Variants in SEC31B observed in about 807,000 individuals in gnomAD.
The protein encoded by SEC31B is SEC31 homolog B, COPII component.
Under a neutral mutation model 135.0 loss-of-function variants are expected in SEC31B, and 113 were observed. That is an observed-to-expected ratio of 0.84 (90% confidence interval 0.72 to 0.98). The LOEUF (loss-of-function observed/expected upper bound fraction) is 0.98. Among genes scored for constraint, SEC31B ranks in the 50% least tolerant of loss-of-function variants. SEC31B has a pLI of 0.00. For missense variants in SEC31B, 1,296 were observed against 1,421.1 expected (o/e 0.91, Z 1.42); for synonymous variants, 508 against 549.4 (o/e 0.92, Z 1.05).
At position 100,507,558 on chromosome 10, in the gene SEC31B, A is replaced by G. The variant is rs1851656496; in HGVS notation, c.649T>C (p.Ser217Pro). 4.3e-6 allele frequency: 7 copies of G among 1,614,220 alleles called. No individual in the cohort carries two copies. In the Middle Eastern group the frequency reaches 9.9e-4, roughly 228 times the overall value. Residue 217 changes from serine to proline, a missense_variant, in exon 7 of 26, where the codon TCA (serine) becomes CCA (proline). Coordinates refer to ENST00000370345, the MANE Select transcript of SEC31B (RefSeq NM_015490.4). ...ATGTCAGGATGCCAGGCCAGGCCTG[A>G]GCAGTGCATCTGTGAACAAAGCAGA... ...VSDHSNRMHC[S>P]GLAWHPDIAT...
intron 19 of SEC31B, among the ~76,000 whole-genome samples, chr10:100,493,478 A>C (rs1201477159): frequency 1.3e-5 from 2 of 152,236 alleles, no homozygotes; most frequent in Non-Finnish European, 2.9e-5. Context: ...ATGAACCTCA[A>C]AGAAGTTATG....
intron 17 of SEC31B, among the ~76,000 whole-genome samples, chr10:100,496,791 C>T (rs1851418477): frequency 6.6e-6 from 1 of 152,264 alleles, no homozygotes; most frequent in Admixed American, 6.5e-5. Context: ...GTGACCCCCA[C>T]TTTCTGTGGT....
chr10:100,502,470 C>G lies in SEC31B; in HGVS notation c.1194G>C (p.Leu398=), dbSNP rs143541316. The part of the protein sequence containing the change: ...TGVSFAFGGK[L]VTFGLPSTPA... ...GGGTGCTGGGGAGGCCAAAAGTAACCAGCTTCCCTCCAAACTGGTGAGGAA... is the reference window on the plus strand; with the variant it reads ...GGGTGCTGGGGAGGCCAAAAGTAACGAGCTTCCCTCCAAACTGGTGAGGAA... Residue 398 remains leucine (L), a synonymous_variant, in exon 11 of 26, where the codon CTG becomes CTC. Transcript: ENST00000370345. The G allele has an allele frequency of 1.8e-3, 2,853 of 1,612,928 alleles. 26 individuals carry two copies. The African/African-American group carries it at 0.026, about 15-fold the overall frequency.
chr10:100,487,359 T>G lies in SEC31B; in HGVS notation c.*257A>C, dbSNP rs898145037. The G allele has an allele frequency of 1.0e-5, 5 of 492,230 alleles. No individual in the cohort carries two copies. The highest frequency in any genetic ancestry group is 1.5e-5 in the Non-Finnish European group (4 of 271,374). The allele number at this position is 492,230 out of a possible 1,614,324, so 30.5% of individuals were successfully genotyped here. A position where few individuals can be genotyped will look rare whatever the true frequency, so the allele number is the denominator to read the frequency against. ...CCCCAGGTCCTTACAGAGTGTAGTA[T>G]TAGGGAGAGTGAAGAACTGATTCTA... On this transcript the variant is annotated 3_prime_UTR_variant, in exon 26 of 26. Transcript: ENST00000370345.
chr10:100,505,056 A>G (rs1195684059), intron 10 of SEC31B, among the ~76,000 whole-genome samples: 4 of 152,092 alleles, frequency 2.6e-5, no homozygotes, highest in African/African-American at 9.7e-5. Flanking sequence ...CTACCAGTCC[A>G]GACACGTAAG....
rs368230610 is a variant in SEC31B, at chr10:100,487,701, G to A, written c.3455C>T (p.Ala1152Val). The change falls in exon 26 of 26, where the codon GCG (alanine) becomes GTG (valine). Residue 1152 changes from alanine to valine, a missense_variant. Ala to Val is a moderately conservative substitution (Grantham distance 64, BLOSUM62 0). Transcript: ENST00000370345. Reference sequence around the variant, plus strand: ...CACCTCGCTGAAGCTGCTACAGCCCGCCACCTGGGCATGCACTGCAAGGCC... The same window carrying A: ...CACCTCGCTGAAGCTGCTACAGCCCACCACCTGGGCATGCACTGCAAGGCC... ...EQGLAVHAQV[A>V]GCSSFSEVSS... 8.1e-6 allele frequency: 13 copies of A among 1,613,648 alleles called. No homozygotes were observed. In the Admixed American group the frequency reaches 1.2e-4, roughly 14 times the overall value.
Position 100,505,323 on chromosome 10 carries a change from CACAA to C in SEC31B, c.1179+34_1179+37del, listed in dbSNP as rs750804724. On this transcript the variant is annotated intron_variant, in intron 10 of 25. Transcript: ENST00000370345. The stretch of plus-strand genomic sequence containing the variant: ...AAACACACACACACACACACACACA[CACAA>C]ACACACACACACCTATACATCCACT... The C allele has an allele frequency of 1.9e-5, 30 of 1,600,726 alleles. No individual in the cohort carries two copies. The African/African-American group carries it at 2.7e-4, about 15-fold the overall frequency.
intron 10 of SEC31B, 109 bp downstream of exon 10, chr10:100,505,252 T>A (rs770960414): frequency 5.7e-6 from 8 of 1,397,648 alleles, no homozygotes; most frequent in Non-Finnish European, 7.8e-6. Flanking sequence ...TGGGAATACG[T>A]CTGCTACAAA....
At chr10:100,491,696 T>A (rs2133672139) in intron 19 of SEC31B, among the ~76,000 whole-genome samples, 1 of 152,344 alleles carries the variant, frequency 6.6e-6, no homozygotes, top group East Asian at 1.9e-4. Flanking sequence ...TCAACACCGA[T>A]TCATGATCTA....
intron 2 of SEC31B, among the ~76,000 whole-genome samples, 167 bp from the exon 3 acceptor site, chr10:100,516,386 G>A (rs1485182943): frequency 6.6e-6 from 1 of 152,014 alleles, no homozygotes; most frequent in Non-Finnish European, 1.5e-5. Context: ...GGTGGCTCAC[G>A]CCTGTAATCC....
intron 1 of SEC31B, among the ~76,000 whole-genome samples, chr10:100,518,377 T>G (rs556423950): frequency 7.2e-5 from 11 of 152,336 alleles, no homozygotes; most frequent in African/African-American, 2.6e-4. Context: ...CTCAGCTTAC[T>G]TCCCCAAATA....
chr10:100,508,925 CTGAT>C (rs778314199), intron 5 of SEC31B, 78 bp downstream of exon 5: 108 of 1,103,860 alleles, frequency 9.8e-5, no homozygotes, highest in Non-Finnish European at 1.4e-4. Flanking sequence ...CTCTTGAGCT[CTGAT>C]TGGCTCCAGA....
chr10:100,511,193 T>C (rs115368332), intron 3 of SEC31B, among the ~76,000 whole-genome samples: 2 of 152,380 alleles, frequency 1.3e-5, no homozygotes, highest in African/African-American at 4.8e-5. Context: ...AATGATTTTC[T>C]TTCTGTATGC....
intron 17 of SEC31B, among the ~76,000 whole-genome samples, chr10:100,496,689 T>C (rs368050431): frequency 3.5e-4 from 54 of 152,336 alleles, no homozygotes; most frequent in African/African-American, 1.3e-3. Context: ...CCTCTTCCTT[T>C]TGCTTTTTTA....
Position 100,509,319 on chromosome 10 carries a change from G to A in SEC31B, c.396C>T (p.Phe132=), listed in dbSNP as rs1392163618. The A allele has an allele frequency of 6.2e-7, 1 of 1,613,082 alleles. No individual in the cohort carries two copies. The highest frequency in any genetic ancestry group is 1.3e-5 in the African/African-American group (1 of 74,876). ...GAVRALDLNP[F]QGNLLASGAS... is the part of the protein sequence containing the mutation. ...TTGACTAACTGAAATGTAGTACCTGGAAAGGATTCAAGTCGAGGGCTCTGA... is the reference window on the plus strand; with the variant it reads ...TTGACTAACTGAAATGTAGTACCTGAAAAGGATTCAAGTCGAGGGCTCTGA... The change falls in exon 4 of 26, where the codon TTC becomes TTT. Residue 132 remains phenylalanine (F), a synonymous_variant. Coordinates refer to ENST00000370345, the MANE Select transcript of SEC31B (RefSeq NM_015490.4).
At chr10:100,502,523 C>G in intron 10 of SEC31B, 39 bp from the exon 11 acceptor site, 1 of 1,406,414 alleles carries the variant, frequency 7.1e-7, no homozygotes, top group South Asian at 1.2e-5. Context: ...GTTATACCTT[C>G]AAGTCAAAAA....
intron 11 of SEC31B, 130 bp from the exon 12 acceptor site, chr10:100,499,728 G>T: frequency 1.5e-6 from 1 of 649,104 alleles, no homozygotes. Flanking sequence ...GCCCTCAGCA[G>T]TCCAATGCCA....
chr10:100,515,365 T>C (rs1851811536), intron 3 of SEC31B, among the ~76,000 whole-genome samples: 1 of 152,290 alleles, frequency 6.6e-6, no homozygotes, highest in African/African-American at 2.4e-5. Flanking sequence ...ATAATGAATA[T>C]TCACATTTTT....
intron 5 of SEC31B, chr10:100,508,695 C>A (rs950605038): frequency 1.1e-5 from 5 of 436,890 alleles, no homozygotes; most frequent in Admixed American, 1.0e-4. Flanking sequence ...CCCAACCCTG[C>A]GAAAGCTCTA....
Sources: allele counts gnomAD v4.1 joint callset (sites outside exome capture counted in the v4.1 genomes callset), GRCh38; gene constraint gnomAD v4.1.1; transcripts MANE v1.5; gene names NCBI Gene and HGNC (gene_info 2026-07-23, HGNC 2026-07-21).